CCM2: variants seen among roughly 807,000 people sequenced by gnomAD.
CCM2 encodes CCM2 scaffold protein.
Under a neutral mutation model 44.9 loss-of-function variants are expected in CCM2, and 25 were observed. That is an observed-to-expected ratio of 0.56 (90% CI 0.41 to 0.78). The LOEUF (loss-of-function observed/expected upper bound fraction) is 0.78, where lower values mean the gene tolerates loss of function less well. Ranked by LOEUF, CCM2 falls within the 30% of genes least tolerant of loss-of-function variation. CCM2 has a pLI of 0.00. For missense variants in CCM2, 481 were observed against 580.6 expected (o/e 0.83, Z 1.76); for synonymous variants, 219 against 241.1 (o/e 0.91, Z 0.85).
chr7:45,065,571 A>C (rs934358310), intron 4 of CCM2, among the ~76,000 whole-genome samples: 2 of 152,188 alleles, frequency 1.3e-5, no homozygotes, highest in Non-Finnish European at 1.5e-5. Flanking sequence ...GAGTGTGTTC[A>C]TTATTGACCC....
chr7:45,035,744 G>C (rs984523335), intron 1 of CCM2, among the ~76,000 whole-genome samples: 1 of 152,140 alleles, frequency 6.6e-6, no homozygotes, highest in African/African-American at 2.4e-5. Context: ...CGAATGAAGA[G>C]CTTAGGCTGT....
chr7:45,071,954 T>TG (rs781358793), intron 6 of CCM2: 27 of 433,806 alleles, frequency 6.2e-5, no homozygotes, highest in South Asian at 3.8e-4. Flanking sequence ...TGGACGTCTT[T>TG]GGGGGGTCAT....
chr7:45,070,329 G>A (rs1799003510), intron 6 of CCM2: 2 of 389,170 alleles, frequency 5.1e-6, no homozygotes, highest in African/African-American at 4.1e-5. Flanking sequence ...AGTGGGTCTG[G>A]GGAGCCTCCT....
intron 1 of CCM2, among the ~76,000 whole-genome samples, chr7:45,004,095 G>A (rs1195599513): frequency 6.6e-6 from 1 of 152,092 alleles, no homozygotes; most frequent in African/African-American, 2.4e-5. Context: ...AGGGAAGATC[G>A]CTTGAGCCCT....
At chr7:45,018,464 C>T (rs558194976) in intron 1 of CCM2, among the ~76,000 whole-genome samples, 2 of 151,956 alleles carry the variant, frequency 1.3e-5, no homozygotes, top group African/African-American at 4.8e-5. Context: ...TCAAGTGATT[C>T]TTTTGCCTTA....
chr7:45,012,911 C>T (rs1796123208), intron 1 of CCM2, among the ~76,000 whole-genome samples: 1 of 152,126 alleles, frequency 6.6e-6, no homozygotes, highest in South Asian at 2.1e-4. Flanking sequence ...GAGTTTTAAA[C>T]TGCATGCTTT....
At chr7:45,045,624 T>C (rs1312523806) in intron 2 of CCM2, among the ~76,000 whole-genome samples, 1 of 152,114 alleles carries the variant, frequency 6.6e-6, no homozygotes, top group Non-Finnish European at 1.5e-5. Context: ...ACACTGTCTC[T>C]ACTAAAAATA....
At chr7:45,007,898 TTATGTC>T (rs1290212159) in intron 1 of CCM2, among the ~76,000 whole-genome samples, 1 of 152,226 alleles carries the variant, frequency 6.6e-6, no homozygotes, top group Non-Finnish European at 1.5e-5. Flanking sequence ...ATTTAAATCT[TTATGTC>T]TATTCTATAG....
At chr7:45,066,461 A>G (rs1021989427) in intron 4 of CCM2, among the ~76,000 whole-genome samples, 1 of 152,176 alleles carries the variant, frequency 6.6e-6, no homozygotes, top group Non-Finnish European at 1.5e-5. Flanking sequence ...TGCTGTATTT[A>G]GGATTAGGCA....
chr7:45,074,104 G>T, intron 8 of CCM2, 166 bp from the exon 9 acceptor site: 2 of 1,454,988 alleles, frequency 1.4e-6, no homozygotes, highest in South Asian at 2.7e-5. Context: ...GCCAGGTCTG[G>T]TAGGATGGGG....
chr7:45,017,056 A>G (rs1317969745), intron 1 of CCM2, among the ~76,000 whole-genome samples: 3 of 152,214 alleles, frequency 2.0e-5, no homozygotes, highest in Non-Finnish European at 4.4e-5. Flanking sequence ...GGCGTGAGCC[A>G]CTGCATCTGG....
chr7:45,057,364 T>G lies in CCM2; in HGVS notation c.205-6554T>G, dbSNP rs893988801. ...TGTTAGTAGAGACGGGGTTTCACCA[T>G]GTTGGCCAGGATGGTCTTGATATAC... is the stretch of plus-strand genomic sequence containing the variant. On this transcript the variant is annotated intron_variant, in intron 2 of 9. Transcript: ENST00000258781. Among the ~76,000 whole-genome samples the G allele has an allele frequency of 3.9e-5, 6 of 152,230 alleles. No individual in the cohort carries two copies. The East Asian group carries it at 1.2e-3, about 29-fold the overall frequency.
At chr7:45,006,331 G>GGC in intron 1 of CCM2, among the ~76,000 whole-genome samples, 1 of 54,246 alleles carries the variant, frequency 1.8e-5, no homozygotes, top group East Asian at 8.7e-4. Flanking sequence ...TGAAGATGGA[G>GGC]TCTTTTTTTT....
chr7:45,018,238 C>T (rs968268464), intron 1 of CCM2, among the ~76,000 whole-genome samples: 15 of 152,172 alleles, frequency 9.9e-5, no homozygotes, highest in Non-Finnish European at 1.5e-5. Flanking sequence ...CTGCTGTGTG[C>T]GGCCTGGCTC....
intron 2 of CCM2, among the ~76,000 whole-genome samples, chr7:45,049,557 CATG>C (rs1319484618): frequency 6.6e-6 from 1 of 152,200 alleles, no homozygotes; most frequent in Non-Finnish European, 1.5e-5. Flanking sequence ...TTAATGGTTG[CATG>C]ATATTCCATT....
chr7:45,012,587 G>A (rs776163628), intron 1 of CCM2, among the ~76,000 whole-genome samples: 3 of 151,924 alleles, frequency 2.0e-5, no homozygotes, highest in Non-Finnish European at 2.9e-5. Flanking sequence ...GAAGAGTCTC[G>A]CTCTGTCGCC....
At chr7:45,059,003 T>G (rs1798399759) in intron 2 of CCM2, among the ~76,000 whole-genome samples, 1 of 151,358 alleles carries the variant, frequency 6.6e-6, no homozygotes, top group Non-Finnish European at 1.5e-5. Flanking sequence ...CCTTGGCCTC[T>G]CAAAGTGCTG....
At chr7:45,069,188 C>G (rs1179241835) in intron 5 of CCM2, among the ~76,000 whole-genome samples, 2 of 152,248 alleles carry the variant, frequency 1.3e-5, no homozygotes, top group Non-Finnish European at 2.9e-5. Context: ...GACCACCCAC[C>G]TTAAATATCC....
At chr7:45,026,460 T>C (rs1187547149) in intron 1 of CCM2, among the ~76,000 whole-genome samples, 1 of 152,186 alleles carries the variant, frequency 6.6e-6, no homozygotes, top group Non-Finnish European at 1.5e-5. Context: ...GAAATAGAAT[T>C]GTATGAAAGT....
Sources: allele counts gnomAD v4.1 joint callset (sites outside exome capture counted in the v4.1 genomes callset), GRCh38; gene constraint gnomAD v4.1.1; transcripts MANE v1.5; gene names NCBI Gene and HGNC (gene_info 2026-07-23, HGNC 2026-07-21).